The following DTX3L variants were observed in gnomAD, a reference collection of about 807,000 sequenced individuals.
The protein encoded by DTX3L is deltex E3 ubiquitin ligase 3L, also known as E3 ubiquitin-protein ligase DTX3L.
A neutral mutation model predicts 60.9 loss-of-function variants in DTX3L; 34 were observed. The ratio of observed to expected loss-of-function variants is 0.56; its 90% CI spans 0.42 to 0.74. The LOEUF (loss-of-function observed/expected upper bound fraction) is 0.74. Among genes scored for constraint, DTX3L ranks in the 30% least tolerant of loss-of-function variants. The pLI is 0.00. For synonymous variants in DTX3L, 290 were observed against 316.6 expected (o/e 0.92, Z 0.89); for missense variants, 810 against 874.0 (o/e 0.93, Z 0.92).
chr3:122,570,441 T>C lies in DTX3L; in HGVS notation c.1936-14T>C. 1 of 1,612,740 alleles carries C rather than the reference T, an allele frequency of 6.2e-7. No individual in the cohort carries two copies. Among genetic ancestry groups the C allele is most frequent in the Non-Finnish European group, 8.5e-7 (1 of 1,178,800 alleles). On this transcript the variant is annotated splice_polypyrimidine_tract_variant and intron_variant, in intron 3 of 4. Transcript: ENST00000296161. The stretch of plus-strand genomic sequence containing the variant: ...GGCACTCTTTTCACATGACATTTTC[T>C]TGTTCTCACACAGGAAGAACACCCA...
chr3:122,565,533 AAAG>A (rs1431603076), intron 1 of DTX3L, among the ~76,000 whole-genome samples: 7 of 150,762 alleles, frequency 4.6e-5, no homozygotes, highest in Admixed American at 4.0e-4. Flanking sequence ...AAAAAAAAAA[AAAG>A]AAGGAAGGAA....
In DTX3L at chr3:122,568,787, G is replaced by A. The variant is rs1328065374; in HGVS notation, c.698G>A (p.Ser233Asn). The A allele has an allele frequency of 2.5e-6, 4 of 1,614,056 alleles. No individual in the cohort carries two copies. In the East Asian group the frequency reaches 8.9e-5, roughly 36 times the overall value. The change falls in exon 3 of 5, where the codon AGC becomes AAC. Residue 233 changes from serine to asparagine, a missense_variant. By Grantham distance (46) the Ser-to-Asn change is conservative (BLOSUM62 1). Coordinates refer to ENST00000296161, the MANE Select transcript of DTX3L (RefSeq NM_138287.3). Reference protein sequence around the residue: ...SEPETKAEQKSNYFEVPLPYF... With the variant: ...SEPETKAEQKNNYFEVPLPYF... ...CCAGAAACCAAGGCAGAACAAAAAA[G>A]CAACTATTTTGAAGTTCCCTTGCCT...
At chr3:122,570,700 G>A in intron 4 of DTX3L, 28 bp downstream of exon 4, 3 of 1,608,098 alleles carry the variant, frequency 1.9e-6, no homozygotes. Context: ...TGTAATGGCT[G>A]CTCAACAGAG....
intron 2 of DTX3L, among the ~76,000 whole-genome samples, chr3:122,566,710 G>A (rs901011408): frequency 2.6e-5 from 4 of 152,052 alleles, no homozygotes; most frequent in Non-Finnish European, 5.9e-5. Context: ...CTGAGGAGGT[G>A]ATGTTTGGCC....
Position 122,571,643 on chromosome 3 carries a change from T to C in DTX3L, c.2154-35T>C, listed in dbSNP as rs375864715. 4.3e-5 allele frequency: 66 copies of C among 1,547,890 alleles called. No homozygotes were observed. In the South Asian group the frequency reaches 7.1e-4, roughly 17 times the overall value. On this transcript the variant is annotated intron_variant, in intron 4 of 4. Coordinates refer to ENST00000296161, the MANE Select transcript of DTX3L (RefSeq NM_138287.3). The stretch of plus-strand genomic sequence containing the variant: ...TATCTATTGCACATATCCGAACAAT[T>C]TGTGGTGACACTAAAGGAATTTTTG...
chr3:122,570,219 G>T, intron 3 of DTX3L, 195 bp downstream of exon 3: 6 of 753,716 alleles, frequency 8.0e-6, no homozygotes, highest in African/African-American at 1.8e-5. Context: ...TATTTCTTAA[G>T]ACAGAGAAAG....
rs2080662692 is a variant in DTX3L at position 122,573,582 on chromosome 3, C to T, written c.*1835C>T. On this transcript the variant is annotated 3_prime_UTR_variant, in exon 5 of 5. Transcript: ENST00000296161. The stretch of plus-strand genomic sequence containing the variant: ...GCTCAAGCCATCCCCCAACCTTGGC[C>T]TCTCGAGTAGATGGGATTATAGGCA... 1 of 152,278 alleles carries T rather than the reference C, an allele frequency of 6.6e-6. No individual in the cohort carries two copies. The highest frequency in any genetic ancestry group is 1.9e-4 in the East Asian group (1 of 5,176). 9.4% of individuals were successfully genotyped at this position (152,278 alleles called of 1,614,324 possible). A position where few individuals can be genotyped will look rare whatever the true frequency, so the allele number is the denominator to read the frequency against.
At chr3:122,565,068 A>T (rs2080539527) in intron 1 of DTX3L, among the ~76,000 whole-genome samples, 1 of 152,250 alleles carries the variant, frequency 6.6e-6, no homozygotes, top group Non-Finnish European at 1.5e-5. Flanking sequence ...AGTAAAAAAG[A>T]AAACAACCTG....
intron 4 of DTX3L, among the ~76,000 whole-genome samples, chr3:122,570,913 T>C (rs1196365403): frequency 6.6e-6 from 1 of 152,190 alleles, no homozygotes. Context: ...GGCTTTTGAA[T>C]CCGAGATGAA....
chr3:122,568,689 A>G lies in DTX3L; in HGVS notation c.600A>G (p.Gln200=). 6.2e-7 allele frequency: 1 copy of G among 1,614,166 alleles called. No homozygotes were observed. Among genetic ancestry groups the G allele is most frequent in the South Asian group, 1.1e-5 (1 of 91,084 alleles). The change falls in exon 3 of 5, where the codon CAA becomes CAG. Residue 200 remains glutamine (Q), a synonymous_variant. Coordinates refer to ENST00000296161, the MANE Select transcript of DTX3L (RefSeq NM_138287.3). ...EQFLESEQKQ[Q]FSPSMTERKP... is the part of the protein sequence containing the mutation. ...TCCTGGAAAGTGAGCAGAAACAACAATTTTCCCCTTCAATGACAGAGAGGA... is the reference window on the plus strand; with the variant it reads ...TCCTGGAAAGTGAGCAGAAACAACAGTTTTCCCCTTCAATGACAGAGAGGA...
chr3:122,565,829 A>G (rs755894948), intron 1 of DTX3L, 30 bp from the exon 2 acceptor site: 7 of 1,596,088 alleles, frequency 4.4e-6, no homozygotes, highest in East Asian at 2.2e-5. Context: ...TTATGTGTGT[A>G]TATGTGTGTG....
Position 122,564,584 on chromosome 3 carries a change from C to T in DTX3L, c.158C>T (p.Thr53Ile). Residue 53 changes from threonine to isoleucine, a missense_variant, in exon 1 of 5, where the codon ACC (threonine) becomes ATC (isoleucine). Thr to Ile is a moderately conservative substitution (Grantham distance 89). Transcript: ENST00000296161. ...ACCCAGGAACACGAAGCCCCGGGCA[C>T]CTTCCGGGTGGAGTTCAGTGAAAGG... Reference protein sequence around the residue: ...VSTQEHEAPGTFRVEFSERAA... With the variant: ...VSTQEHEAPGIFRVEFSERAA... The T allele has an allele frequency of 6.2e-7, 1 of 1,601,550 alleles. No individual in the cohort carries two copies. The highest frequency in any genetic ancestry group is 8.5e-7 in the Non-Finnish European group (1 of 1,174,098).
chr3:122,570,039 A>G lies in DTX3L; in HGVS notation c.1935+15A>G. On this transcript the variant is annotated intron_variant, in intron 3 of 4. Coordinates refer to ENST00000296161, the MANE Select transcript of DTX3L (RefSeq NM_138287.3). Reference sequence around the variant, plus strand: ...GCATACAAACAGTAAGTATTTCTCAAGTCCATGGGTTTCTTGCCACTATGC... The same window carrying G: ...GCATACAAACAGTAAGTATTTCTCAGGTCCATGGGTTTCTTGCCACTATGC... 6.2e-7 allele frequency: 1 copy of G among 1,612,188 alleles called. No individual in the cohort carries two copies.
intron 2 of DTX3L, among the ~76,000 whole-genome samples, chr3:122,567,636 T>A (rs557633600): frequency 3.3e-5 from 5 of 152,116 alleles, no homozygotes; most frequent in Non-Finnish European, 7.4e-5. Flanking sequence ...GAGTGTTTAG[T>A]TGAAACAAGA....
rs767017007 is a variant in DTX3L at position 122,565,928 on chromosome 3, T to C, written c.257T>C (p.Leu86Pro). 6.2e-7 allele frequency: 1 copy of C among 1,614,192 alleles called. No individual in the cohort carries two copies. The highest frequency in any genetic ancestry group is 1.1e-5 in the South Asian group (1 of 91,082). ...LVDEKPVPIF[L>P]VPTENSIKKN... ...GACGAAAAACCTGTGCCCATTTTCC[T>C]GGTACCCACTGAAAATTCAATAAAG... Residue 86 changes from leucine (L) to proline (P), a missense_variant, in exon 2 of 5, where the codon CTG (leucine) becomes CCG (proline). Transcript: ENST00000296161.
rs1424565801 is a variant in DTX3L at position 122,569,785 on chromosome 3, G to T, written c.1696G>T (p.Asp566Tyr). 6.2e-7 allele frequency: 1 copy of T among 1,613,986 alleles called. No homozygotes were observed. Among genetic ancestry groups the T allele is most frequent in the Non-Finnish European group, 8.5e-7 (1 of 1,180,030 alleles). ...AAAGGGCATCTGTGTCATCTGTATGGACACCATTAGTAACAAAAAAGTGCT... is the reference window on the plus strand; with the variant it reads ...AAAGGGCATCTGTGTCATCTGTATGTACACCATTAGTAACAAAAAAGTGCT... ...KEKGICVICM[D>Y]TISNKKVLPK... The change falls in exon 3 of 5, where the codon GAC becomes TAC. Residue 566 changes from aspartate to tyrosine, a missense_variant. Coordinates refer to ENST00000296161, the MANE Select transcript of DTX3L (RefSeq NM_138287.3).
At position 122,569,470 on chromosome 3, in the gene DTX3L, G is replaced by C. The variant is rs780372477; in HGVS notation, c.1381G>C (p.Glu461Gln). ...TCTTTTACTGAAGTCTTTGGGCAAG[G>C]AGAGAAAGCACTTACATCAGACCAA... ...EVLLLKSLGK[E>Q]RKHLHQTKFA... Residue 461 changes from glutamate (E) to glutamine (Q), a missense_variant, in exon 3 of 5, where the codon GAG becomes CAG. Transcript: ENST00000296161. 20 of 1,614,068 alleles carry C rather than the reference G, an allele frequency of 1.2e-5. No homozygotes were observed. The highest frequency in any genetic ancestry group is 1.6e-4 in the Middle Eastern group (1 of 6,084).
At chr3:122,567,566 T>C (rs2080600392) in intron 2 of DTX3L, among the ~76,000 whole-genome samples, 1 of 152,210 alleles carries the variant, frequency 6.6e-6, no homozygotes, top group Non-Finnish European at 1.5e-5. Flanking sequence ...ACCTGGCGTG[T>C]CTTATATTTG....
intron 3 of DTX3L, 93 bp downstream of exon 3, chr3:122,570,117 TC>T: frequency 7.5e-7 from 1 of 1,333,588 alleles, no homozygotes; most frequent in Non-Finnish European, 1.1e-6. Flanking sequence ...ACAATAGATT[TC>T]CCAAGGAATT....
Sources: gnomAD v4.1 joint callset for allele counts (sites outside exome capture counted in the v4.1 genomes callset) on GRCh38, gnomAD v4.1.1 for gene constraint, MANE v1.5 for transcripts, NCBI Gene and HGNC (gene_info 2026-07-23, HGNC 2026-07-21) for gene names.